KLHL1: variants seen among roughly 807,000 people sequenced by gnomAD.
KLHL1 encodes the protein kelch-like protein 1.
Under a neutral mutation model 77.7 loss-of-function variants are expected in KLHL1, and 47 were observed. That is an observed-to-expected ratio of 0.60 (90% CI 0.48 to 0.77). KLHL1 has a LOEUF of 0.77. KLHL1 is among the 30% of genes least tolerant of loss of function. The probability of loss-of-function intolerance (pLI) is 0.00; values close to 1 mark genes in which losing one functional copy is unlikely to be tolerated. For synonymous variants in KLHL1, 360 were observed against 325.2 expected (o/e 1.11, Z -1.15); for missense variants, 925 against 910.8 (o/e 1.02, Z -0.20).
At chr13:69,880,714 G>GAGGGCATAAA (rs1322287423) in intron 5 of KLHL1, among the ~76,000 whole-genome samples, 1 of 152,094 alleles carries the variant, frequency 6.6e-6, no homozygotes, top group Non-Finnish European at 1.5e-5. Flanking sequence ...AGTTGGAAAC[G>GAGGGCATAAA]AGGGCATAAA....
At chr13:69,778,355 C>T (rs1025766946) in intron 7 of KLHL1, among the ~76,000 whole-genome samples, 1 of 152,108 alleles carries the variant, frequency 6.6e-6, no homozygotes, top group Admixed American at 6.5e-5. Flanking sequence ...TGTTAGTATT[C>T]CAAACCAGTT....
At chr13:69,727,411 A>G (rs1873349358) in intron 8 of KLHL1, among the ~76,000 whole-genome samples, 1 of 152,114 alleles carries the variant, frequency 6.6e-6, no homozygotes, top group Non-Finnish European at 1.5e-5. Flanking sequence ...GACAGTCACA[A>G]GTTAATAAGA....
intron 1 of KLHL1, among the ~76,000 whole-genome samples, chr13:70,042,031 C>A (rs1886389904): frequency 6.6e-6 from 1 of 152,112 alleles, no homozygotes; most frequent in African/African-American, 2.4e-5. Context: ...TCTTGTTAGA[C>A]TTTCTCATTT....
intron 8 of KLHL1, among the ~76,000 whole-genome samples, chr13:69,730,099 A>T (rs1873475365): frequency 6.6e-6 from 1 of 152,040 alleles, no homozygotes; most frequent in African/African-American, 2.4e-5. Flanking sequence ...TTGCCACAAG[A>T]CTCTGCGTTA....
At chr13:69,754,448 T>C (rs1013763738) in intron 7 of KLHL1, among the ~76,000 whole-genome samples, 1 of 152,164 alleles carries the variant, frequency 6.6e-6, no homozygotes, top group African/African-American at 2.4e-5. Flanking sequence ...TACCAAACAT[T>C]TGAAGCTCAA....
intron 2 of KLHL1, among the ~76,000 whole-genome samples, chr13:69,963,539 A>G (rs905742854): frequency 3.9e-5 from 6 of 152,272 alleles, no homozygotes; most frequent in African/African-American, 1.4e-4. Flanking sequence ...AAACTCAATC[A>G]ATTGAAAATT....
chr13:69,981,286 T>C (rs994042114), intron 1 of KLHL1, among the ~76,000 whole-genome samples: 2 of 152,140 alleles, frequency 1.3e-5, no homozygotes, highest in Admixed American at 6.6e-5. Flanking sequence ...ATAAGATATA[T>C]TAATTGCAAA....
chr13:70,042,447 T>C (rs1246552105), intron 1 of KLHL1, among the ~76,000 whole-genome samples: 1 of 152,146 alleles, frequency 6.6e-6, no homozygotes, highest in African/African-American at 2.4e-5. Context: ...GTACCATATA[T>C]ACATGGTGAG....
chr13:70,056,143 G>A (rs1396618837), intron 1 of KLHL1, among the ~76,000 whole-genome samples: 2 of 151,854 alleles, frequency 1.3e-5, no homozygotes, highest in Non-Finnish European at 2.9e-5. Flanking sequence ...TAAAGCAATG[G>A]AAAAAAGATA....
intron 8 of KLHL1, among the ~76,000 whole-genome samples, 196 bp from the exon 9 acceptor site, chr13:69,719,777 G>A (rs1872958683): frequency 1.3e-5 from 2 of 151,596 alleles, no homozygotes; most frequent in South Asian, 4.2e-4. Context: ...TATAGAAATT[G>A]CAGTATACTA....
rs924226443 is a variant in KLHL1, at chr13:70,036,115, A to G, written c.498-60313T>C. Among the ~76,000 whole-genome samples, 8 of 151,998 alleles carry G rather than the reference A, an allele frequency of 5.3e-5. No homozygotes were observed. In the East Asian group the frequency reaches 1.2e-3, roughly 22 times the overall value. ...TATAGTGACCATTCATTTTGCTTTT[A>G]TACTTTTATTTTACTTGAGAATAAA... is the stretch of plus-strand genomic sequence containing the variant. On this transcript the variant is annotated intron_variant, in intron 1 of 10. Coordinates refer to ENST00000377844, the MANE Select transcript of KLHL1 (RefSeq NM_020866.3).
intron 7 of KLHL1, among the ~76,000 whole-genome samples, chr13:69,770,608 A>C (rs996591401): frequency 6.6e-6 from 1 of 152,176 alleles, no homozygotes; most frequent in Non-Finnish European, 1.5e-5. Context: ...CAAAGTGCTA[A>C]CATTACAGGT....
intron 7 of KLHL1, among the ~76,000 whole-genome samples, chr13:69,758,113 A>G (rs1874850988): frequency 6.6e-6 from 1 of 152,104 alleles, no homozygotes. Flanking sequence ...AAAAAATCTG[A>G]GATAGCATGA....
intron 8 of KLHL1, among the ~76,000 whole-genome samples, chr13:69,729,345 A>C (rs7335183): frequency 0.053 from 8,013 of 152,192 alleles, 366 homozygotes; most frequent in African/African-American, 0.12. Flanking sequence ...CCATAAACCA[A>C]TTTCTTGGTT....
chr13:69,815,270 A>G (rs770787258), intron 6 of KLHL1, among the ~76,000 whole-genome samples: 2 of 152,220 alleles, frequency 1.3e-5, no homozygotes, highest in African/African-American at 2.4e-5. Flanking sequence ...TTACTGCAGC[A>G]CTATTCGCAA....
intron 8 of KLHL1, among the ~76,000 whole-genome samples, chr13:69,733,501 C>T (rs970761558): frequency 1.3e-5 from 2 of 152,040 alleles, no homozygotes; most frequent in African/African-American, 4.8e-5. Context: ...ACATGAAGAA[C>T]TCCATAAATC....
chr13:69,929,078 C>A (rs1882909927), intron 4 of KLHL1, among the ~76,000 whole-genome samples: 1 of 151,998 alleles, frequency 6.6e-6, no homozygotes, highest in Non-Finnish European at 1.5e-5. Flanking sequence ...ATTATCCAGA[C>A]ATGCATTTGC....
At chr13:69,727,878 T>G (rs891475288) in intron 8 of KLHL1, among the ~76,000 whole-genome samples, 14 of 152,076 alleles carry the variant, frequency 9.2e-5, no homozygotes, top group African/African-American at 3.1e-4. Flanking sequence ...CTTTGCAATA[T>G]TTTTACCTCA....
chr13:69,706,204 C>A (rs1420463292), intron 10 of KLHL1, among the ~76,000 whole-genome samples: 2 of 151,654 alleles, frequency 1.3e-5, no homozygotes. Context: ...TCTTCTCTAG[C>A]AATTAAAATG....
Sources: allele counts gnomAD v4.1 joint callset (sites outside exome capture counted in the v4.1 genomes callset), GRCh38; gene constraint gnomAD v4.1.1; transcripts MANE v1.5; gene names NCBI Gene and HGNC (gene_info 2026-07-23, HGNC 2026-07-21).